KLF8: variants seen among roughly 807,000 people sequenced by gnomAD.
KLF8 encodes the protein Krueppel-like factor 8.
In KLF8, 10 loss-of-function variants were observed where a neutral mutation model predicts 18.2. The ratio of observed to expected loss-of-function variants is 0.55; its 90% confidence interval spans 0.34 to 0.93. The LOEUF (loss-of-function observed/expected upper bound fraction) is 0.93, where lower values mean the gene tolerates loss of function less well. KLF8 is among the 40% of genes least tolerant of loss of function. KLF8 has a pLI of 0.02. For synonymous variants in KLF8, 109 were observed against 97.3 expected, an observed-to-expected ratio of 1.12 and a Z score of -0.71; for missense variants, 264 against 277.9, an observed-to-expected ratio of 0.95 and a Z score of 0.36.
chrX:56,041,314 A>G, the KLF8 span, among the ~76,000 whole-genome samples: 22,831 of 109,586 alleles, frequency 0.21, 4,913 homozygotes, highest in African/African-American at 0.65. Flanking sequence ...AGTAAAGACA[A>G]GGTTTCACCA....
At chrX:55,942,932 A>G in the KLF8 span, among the ~76,000 whole-genome samples, 1 of 111,601 alleles carries the variant, frequency 9.0e-6, no homozygotes, top group African/African-American at 3.3e-5. Context: ...GCATATCAGC[A>G]TGTTCTGTGG....
rs2066420385 is a variant in KLF8, at chrX:56,232,956, C to G, written c.-379C>G. ...AAAGGGGAACGGAGGACCTTAAGCTCTGGCCACTTCGGCCCAGCGAACCCA... is the reference window on the plus strand; with the variant it reads ...AAAGGGGAACGGAGGACCTTAAGCTGTGGCCACTTCGGCCCAGCGAACCCA... On this transcript the variant is annotated 5_prime_UTR_variant, in exon 1 of 6. Coordinates refer to ENST00000468660, the MANE Select transcript of KLF8 (RefSeq NM_007250.5). 1 of 235,128 alleles carries G rather than the reference C, an allele frequency of 4.3e-6. No homozygotes were observed. The highest frequency in any genetic ancestry group is 8.0e-5 in the East Asian group (1 of 12,572). 19.4% of individuals were successfully genotyped at this position (235,128 alleles called of 1,213,427 possible).
At chrX:55,914,404 C>A in the KLF8 span, among the ~76,000 whole-genome samples, 1 of 111,932 alleles carries the variant, frequency 8.9e-6, no homozygotes, top group African/African-American at 3.2e-5. Flanking sequence ...TAGCTAACAT[C>A]TAACATTTCT....
the KLF8 span, among the ~76,000 whole-genome samples, chrX:56,007,889 C>A: frequency 2.2e-3 from 238 of 110,591 alleles, 7 homozygotes; most frequent in South Asian, 0.091. Flanking sequence ...GTTCAGCAAA[C>A]CACCATGGCA....
the KLF8 span, among the ~76,000 whole-genome samples, chrX:55,990,149 A>T: frequency 9.0e-6 from 1 of 111,627 alleles, no homozygotes; most frequent in Non-Finnish European, 1.9e-5. Context: ...CTTTTCAAAA[A>T]ACCAGCTCCT....
the KLF8 span, among the ~76,000 whole-genome samples, chrX:56,131,344 TAAAC>T: frequency 9.0e-6 from 1 of 111,566 alleles, no homozygotes; most frequent in Non-Finnish European, 1.9e-5. Context: ...TCAGCCTCCT[TAAAC>T]AAAACAATTA....
rs3052510 is a variant in KLF8, at chrX:56,236,848, TTG to T, written c.7+3538_7+3539del. 9.0e-3 allele frequency among the ~76,000 whole-genome samples: 848 copies of T among 94,709 alleles called. 4 individuals are homozygous for T. The highest frequency in any genetic ancestry group is 0.018 in the African/African-American group (460 of 25,251). The allele number at this position is 94,709 out of a possible 115,157, so 82.2% of individuals were successfully genotyped here. ...AGTGTATATCAAGCAATGAGTATGTTTGTGTGTGTGTGTGTGTGTGTGTGTGT... is the reference window on the plus strand; with the variant it reads ...AGTGTATATCAAGCAATGAGTATGTTTGTGTGTGTGTGTGTGTGTGTGTGT... On this transcript the variant is annotated intron_variant, in intron 1 of 5. Coordinates refer to ENST00000468660, the MANE Select transcript of KLF8 (RefSeq NM_007250.5).
chrX:56,232,177 GCAAGCCTTA>G (rs764292991), upstream of KLF8, among the ~76,000 whole-genome samples: 5 of 111,994 alleles, frequency 4.5e-5, no homozygotes, highest in South Asian at 1.5e-3. Context: ...CAGTGTGCTT[GCAAGCCTTA>G]ATTTTGGGAC....
rs188781089 is a variant in KLF8, at chrX:56,234,619, T to C, written c.7+1278T>C. Among the ~76,000 whole-genome samples the C allele has an allele frequency of 2.7e-5, 3 of 112,871 alleles. No individual in the cohort carries two copies. The East Asian group carries it at 8.3e-4, about 31-fold the overall frequency. On this transcript the variant is annotated intron_variant, in intron 1 of 5. Coordinates refer to ENST00000468660, the MANE Select transcript of KLF8 (RefSeq NM_007250.5). ...GTTTTATTTGCTTCTGATTTAACAT[T>C]GTTTCCACCAGACTTCATCACTTCT...
At chrX:56,238,495 T>G (rs2066505982) in intron 1 of KLF8, among the ~76,000 whole-genome samples, 1 of 111,611 alleles carries the variant, frequency 9.0e-6, no homozygotes, top group Non-Finnish European at 1.9e-5. Flanking sequence ...CAAAAATTCT[T>G]CAATTCCAGT....
the KLF8 span, among the ~76,000 whole-genome samples, chrX:55,939,861 C>A: frequency 1.8e-5 from 2 of 111,732 alleles, no homozygotes; most frequent in African/African-American, 3.3e-5. Flanking sequence ...CAATAACAGG[C>A]TCTGAAATTG....
At chrX:56,032,560 C>T in the KLF8 span, among the ~76,000 whole-genome samples, 1 of 111,886 alleles carries the variant, frequency 8.9e-6, no homozygotes, top group Non-Finnish European at 1.9e-5. Flanking sequence ...TCATTATAAA[C>T]TGTTATATAA....
At chrX:56,016,509 G>T in the KLF8 span, among the ~76,000 whole-genome samples, 1 of 111,806 alleles carries the variant, frequency 8.9e-6, no homozygotes, top group African/African-American at 3.2e-5. Flanking sequence ...AAAACTTACT[G>T]GAAACAATAA....
chrX:56,179,126 T>C, the KLF8 span, among the ~76,000 whole-genome samples: 1 of 112,298 alleles, frequency 8.9e-6, no homozygotes, highest in Non-Finnish European at 1.9e-5. Context: ...GCGTGGAATG[T>C]TCTATGTTCT....
the KLF8 span, among the ~76,000 whole-genome samples, chrX:56,035,050 C>T: frequency 2.7e-5 from 3 of 111,349 alleles, no homozygotes; most frequent in Non-Finnish European, 5.7e-5. Flanking sequence ...CCACAGCGCC[C>T]GGCCGAACTT....
chrX:56,162,327 T>G, the KLF8 span, among the ~76,000 whole-genome samples: 2 of 111,638 alleles, frequency 1.8e-5, no homozygotes, highest in South Asian at 3.8e-4. Context: ...TTCTGCAGAG[T>G]TTTCTGCTGC....
the KLF8 span, among the ~76,000 whole-genome samples, chrX:55,995,346 C>T: frequency 3.6e-5 from 4 of 112,335 alleles, no homozygotes; most frequent in African/African-American, 1.3e-4. Flanking sequence ...CAGTCTGCTA[C>T]TCTCTGCCTT....
the KLF8 span, among the ~76,000 whole-genome samples, chrX:56,050,360 A>C: frequency 9.0e-6 from 1 of 111,557 alleles, no homozygotes; most frequent in Non-Finnish European, 1.9e-5. Flanking sequence ...TTGTGATGTT[A>C]GTGTGTCAAT....
chrX:56,050,814 G>T, the KLF8 span, among the ~76,000 whole-genome samples: 1 of 110,104 alleles, frequency 9.1e-6, no homozygotes, highest in Non-Finnish European at 1.9e-5. Context: ...TTCAATTCCT[G>T]GGTATCCTTG....
Sources: gnomAD v4.1 joint callset for allele counts (sites outside exome capture counted in the v4.1 genomes callset) on GRCh38, gnomAD v4.1.1 for gene constraint, MANE v1.5 for transcripts, NCBI Gene and HGNC (gene_info 2026-07-23, HGNC 2026-07-21) for gene names.